CFTR: variants seen among roughly 807,000 people sequenced by gnomAD.
CFTR encodes cystic fibrosis transmembrane conductance regulator.
Under a neutral mutation model 171.6 loss-of-function variants are expected in CFTR, and 181 were observed. The ratio of observed to expected loss-of-function variants is 1.05; its 90% confidence interval spans 0.93 to 1.19. The LOEUF (loss-of-function observed/expected upper bound fraction) is 1.19. Ranked by LOEUF, CFTR falls within the 50% of genes most tolerant of loss-of-function variation. The probability of loss-of-function intolerance (pLI) is 0.00; values close to 1 mark genes in which losing one functional copy is unlikely to be tolerated. For synonymous variants in CFTR, 583 were observed against 608.0 expected (o/e 0.96, Z 0.60); for missense variants, 1,968 against 1,734.7 (o/e 1.13, Z -2.39).
intron 15 of CFTR, among the ~76,000 whole-genome samples, chr7:117,597,956 G>A (rs1584815331): frequency 1.3e-5 from 2 of 152,152 alleles, no homozygotes; most frequent in Non-Finnish European, 2.9e-5. Context: ...GCTTAAAAGG[G>A]CCTGGCAGGG....
At position 117,490,312 on chromosome 7, in the gene CFTR, TACACACACACACAC is replaced by T. The variant is rs3034759; in HGVS notation, c.53+10195_53+10208del. Reference sequence around the variant, plus strand: ...TTCTCCAGAGAAGTAGAACCAATGATACACACACACACACACACACACACACACACACACACACA... The same window carrying T: ...TTCTCCAGAGAAGTAGAACCAATGATACACACACACACACACACACACACA... On this transcript the variant is annotated intron_variant, in intron 1 of 26. Coordinates refer to ENST00000003084, the MANE Select transcript of CFTR (RefSeq NM_000492.4). Among the ~76,000 whole-genome samples the T allele has an allele frequency of 3.8e-3, 526 of 136,876 alleles. 3 individuals carry two copies. The highest frequency in any genetic ancestry group is 0.013 in the African/African-American group (480 of 37,740). The allele number at this position is 136,876 out of a possible 152,430, so 89.8% of individuals were successfully genotyped here. A position where few individuals can be genotyped will look rare whatever the true frequency, so the allele number is the denominator to read the frequency against.
At chr7:117,648,293 G>A (rs543950715) in intron 23 of CFTR, among the ~76,000 whole-genome samples, 1 of 151,916 alleles carries the variant, frequency 6.6e-6, no homozygotes, top group Admixed American at 6.6e-5. Context: ...CAGCCAAACT[G>A]CTTTATTGTT....
Position 117,525,432 on chromosome 7 carries a change from A to G in CFTR, c.274-5467A>G, listed in dbSNP as rs538953409. 4.3e-3 allele frequency among the ~76,000 whole-genome samples: 502 copies of G among 116,320 alleles called. 2 individuals carry two copies. The highest frequency in any genetic ancestry group is 0.011 in the Middle Eastern group (3 of 284). 76.3% of individuals were successfully genotyped at this position (116,320 alleles called of 152,430 possible). A position where few individuals can be genotyped will look rare whatever the true frequency, so the allele number is the denominator to read the frequency against. On this transcript the variant is annotated intron_variant, in intron 3 of 26. Coordinates refer to ENST00000003084, the MANE Select transcript of CFTR (RefSeq NM_000492.4). ...GCAGAGCTGAGTTCAATTCCTGGGT[A>G]TCCTTGTTGACTTTCTGTCTCGTTG...
chr7:117,515,873 T>C (rs1263005383), intron 3 of CFTR, among the ~76,000 whole-genome samples: 4 of 152,188 alleles, frequency 2.6e-5, no homozygotes, highest in Admixed American at 2.6e-4. Flanking sequence ...TCACATCCTT[T>C]GTTAGCTGTG....
At chr7:117,512,939 A>G (rs1798543848) in intron 3 of CFTR, among the ~76,000 whole-genome samples, 1 of 152,174 alleles carries the variant, frequency 6.6e-6, no homozygotes. Context: ...ATTAAAGGAC[A>G]TACAGGAGAA....
chr7:117,573,626 A>G (rs1791727887), intron 11 of CFTR, among the ~76,000 whole-genome samples: 1 of 152,146 alleles, frequency 6.6e-6, no homozygotes, highest in Non-Finnish European at 1.5e-5. Flanking sequence ...AGGACCACAT[A>G]TTAAGAACTA....
At chr7:117,485,308 A>C (rs1798057049) in intron 1 of CFTR, among the ~76,000 whole-genome samples, 1 of 152,194 alleles carries the variant, frequency 6.6e-6, no homozygotes, top group South Asian at 2.1e-4. Context: ...CAATTTTGGC[A>C]ATTTTGATCC....
At chr7:117,522,680 T>C (rs1408118057) in intron 3 of CFTR, among the ~76,000 whole-genome samples, 1 of 152,206 alleles carries the variant, frequency 6.6e-6, no homozygotes, top group African/African-American at 2.4e-5. Context: ...ACGCTTCTTG[T>C]GTCTCTGAAA....
At chr7:117,649,513 A>T (rs60760741) in intron 23 of CFTR, among the ~76,000 whole-genome samples, 26 of 122,558 alleles carry the variant, frequency 2.1e-4, no homozygotes, top group African/African-American at 8.9e-4. Flanking sequence ...ATATATATAT[A>T]TATATATTTT....
At chr7:117,655,983 G>T (rs1793176758) in intron 24 of CFTR, among the ~76,000 whole-genome samples, 1 of 152,056 alleles carries the variant, frequency 6.6e-6, no homozygotes, top group Non-Finnish European at 1.5e-5. Context: ...ACCTCCCAAA[G>T]GCCCCACCTC....
chr7:117,482,315 T>G (rs1346347133), intron 1 of CFTR, among the ~76,000 whole-genome samples: 1 of 152,154 alleles, frequency 6.6e-6, no homozygotes, highest in Non-Finnish European at 1.5e-5. Context: ...ATGGTATGAG[T>G]TATAGATTGT....
chr7:117,508,883 T>G, intron 2 of CFTR, 151 bp from the exon 3 acceptor site: 1 of 657,770 alleles, frequency 1.5e-6, no homozygotes, highest in East Asian at 2.6e-5. Context: ...GAGTGTTTGG[T>G]GTTGTATGGT....
At position 117,482,806 on chromosome 7, in the gene CFTR, A is replaced by T. The variant is rs539864532; in HGVS notation, c.53+2659A>T. 3.9e-5 allele frequency among the ~76,000 whole-genome samples: 6 copies of T among 152,190 alleles called. No individual in the cohort carries two copies. In the South Asian group the frequency reaches 1.0e-3, roughly 26 times the overall value. On this transcript the variant is annotated intron_variant, in intron 1 of 26. Transcript: ENST00000003084. ...TTCTCTCATGCCCTGAATTTTTCATATTTCGTTTAGTTGTAAGAGTGTATA... is the reference window on the plus strand; with the variant it reads ...TTCTCTCATGCCCTGAATTTTTCATTTTTCGTTTAGTTGTAAGAGTGTATA...
chr7:117,613,999 C>G (rs112964490), intron 20 of CFTR, among the ~76,000 whole-genome samples: 333 of 72,480 alleles, frequency 4.6e-3, no homozygotes, highest in African/African-American at 0.017. Flanking sequence ...GTACAGTAAT[C>G]TTTTTTTTTT....
At position 117,524,407 on chromosome 7, in the gene CFTR, AC is replaced by A. The variant is rs1374281742; in HGVS notation, c.274-6490del. 2.4e-3 allele frequency among the ~76,000 whole-genome samples: 371 copies of A among 151,910 alleles called. 1 individual carries two copies. The highest frequency in any genetic ancestry group is 3.9e-3 in the Non-Finnish European group (267 of 67,944). ...CACTAGTCATGAAAAAAAAAAAAAA[AC>A]CAAATCAAAGTAAATTGATGGTATT... On this transcript the variant is annotated intron_variant, in intron 3 of 26. Coordinates refer to ENST00000003084, the MANE Select transcript of CFTR (RefSeq NM_000492.4).
At chr7:117,546,784 AT>A (rs900998352) in intron 9 of CFTR, among the ~76,000 whole-genome samples, 2 of 152,130 alleles carry the variant, frequency 1.3e-5, no homozygotes, top group African/African-American at 2.4e-5. Context: ...CCTGAGATAT[AT>A]TTTGTTCCTT....
At chr7:117,608,177 T>G (rs1792330323) in intron 18 of CFTR, among the ~76,000 whole-genome samples, 1 of 151,950 alleles carries the variant, frequency 6.6e-6, no homozygotes, top group African/African-American at 2.4e-5. Flanking sequence ...AAATTTTTTC[T>G]TTTATGCCAG....
chr7:117,584,670 C>G (rs213961), intron 11 of CFTR, among the ~76,000 whole-genome samples: 3 of 151,752 alleles, frequency 2.0e-5, no homozygotes, highest in African/African-American at 7.3e-5. Flanking sequence ...TTTTAGTTCC[C>G]TATGAATTTT....
chr7:117,659,411 A>T (rs1050368368), intron 24 of CFTR, among the ~76,000 whole-genome samples: 16 of 152,208 alleles, frequency 1.1e-4, no homozygotes, highest in African/African-American at 3.9e-4. Context: ...GTAGTCTTGC[A>T]TACATGGATG....
Sources: allele counts gnomAD v4.1 joint callset (sites outside exome capture counted in the v4.1 genomes callset), GRCh38; gene constraint gnomAD v4.1.1; transcripts MANE v1.5; gene names NCBI Gene and HGNC (gene_info 2026-07-23, HGNC 2026-07-21).